Variants in SLC24A2 observed in about 807,000 individuals in gnomAD.
SLC24A2 encodes the protein sodium/potassium/calcium exchanger 2.
A neutral mutation model predicts 62.0 loss-of-function variants in SLC24A2; 36 were observed. That is an observed-to-expected ratio of 0.58 (90% confidence interval 0.44 to 0.77). The LOEUF is 0.77. SLC24A2 is among the 30% of genes least tolerant of loss of function. The probability of loss-of-function intolerance (pLI) is 0.00; values close to 1 mark genes in which losing one functional copy is unlikely to be tolerated. For missense variants in SLC24A2, 846 were observed against 817.9 expected (o/e 1.03, Z -0.42); for synonymous variants, 358 against 294.0 (o/e 1.22, Z -2.23).
At chr9:20,192,239 T>C in the SLC24A2 span, among the ~76,000 whole-genome samples, 21 of 152,082 alleles carry the variant, frequency 1.4e-4, no homozygotes, top group Non-Finnish European at 3.1e-4. Flanking sequence ...GCAATGAGCA[T>C]GGTAGACAGA....
chr9:19,657,312 C>G (rs1818970015), intron 2 of SLC24A2, among the ~76,000 whole-genome samples: 1 of 152,062 alleles, frequency 6.6e-6, no homozygotes, highest in Admixed American at 6.5e-5. Flanking sequence ...CTTATTCCTT[C>G]TCCCACAATC....
intron 8 of SLC24A2, among the ~76,000 whole-genome samples, chr9:19,534,313 C>T: frequency 6.6e-6 from 1 of 152,292 alleles, no homozygotes; most frequent in African/African-American, 2.4e-5. Context: ...CTTTACTAGA[C>T]TTAGAGTGCC....
At position 19,780,199 on chromosome 9, in the gene SLC24A2, G is replaced by A. The variant is rs1384690948; in HGVS notation, c.930+5738C>T. 4.0e-4 allele frequency among the ~76,000 whole-genome samples: 61 copies of A among 152,168 alleles called. 1 individual carries two copies. The highest frequency in any genetic ancestry group is 4.4e-5 in the Non-Finnish European group (3 of 68,020). Reference sequence around the variant, plus strand: ...TTTTCTAAGGTACTTAGGTTGTTTAGCTGGAGCGTAAACATCTTAATTAAC... The same window carrying A: ...TTTTCTAAGGTACTTAGGTTGTTTAACTGGAGCGTAAACATCTTAATTAAC... On this transcript the variant is annotated intron_variant, in intron 2 of 10. Transcript: ENST00000341998.
At chr9:20,206,725 C>T in the SLC24A2 span, among the ~76,000 whole-genome samples, 5 of 152,162 alleles carry the variant, frequency 3.3e-5, no homozygotes, top group Middle Eastern at 3.4e-3. Context: ...ATGATCTGCT[C>T]GCCTCAGCCT....
At chr9:19,616,280 T>C (rs1817765488) in intron 4 of SLC24A2, among the ~76,000 whole-genome samples, 1 of 152,378 alleles carries the variant, frequency 6.6e-6, no homozygotes, top group Non-Finnish European at 1.5e-5. Context: ...CTAGGCTGTG[T>C]ATTTAACGCT....
intron 2 of SLC24A2, among the ~76,000 whole-genome samples, chr9:19,763,552 C>T (rs1822413963): frequency 6.6e-6 from 1 of 152,200 alleles, no homozygotes; most frequent in Non-Finnish European, 1.5e-5. Context: ...AAGGCCTTTA[C>T]TGCATCTGTT....
chr9:20,122,870 G>C, the SLC24A2 span, among the ~76,000 whole-genome samples: 1 of 152,084 alleles, frequency 6.6e-6, no homozygotes, highest in Non-Finnish European at 1.5e-5. Context: ...CATAAAACTT[G>C]AAAATCTAAA....
upstream of SLC24A2, among the ~76,000 whole-genome samples, chr9:19,790,530 CAA>C (rs3086381): frequency 1.4e-3 from 167 of 122,400 alleles, no homozygotes; most frequent in African/African-American, 4.8e-3. Flanking sequence ...ATTTGAGCAT[CAA>C]AAAAAAAAAA....
In SLC24A2 at chr9:19,643,660, C is replaced by T. The variant is rs569244066; in HGVS notation, c.931-21361G>A. ...CAGACTTGTCATGTCTGAGCTTTCT[C>T]TCTGTAACATATATTTACTCAAAAT... On this transcript the variant is annotated intron_variant, in intron 2 of 10. Transcript: ENST00000341998. Among the ~76,000 whole-genome samples, 7 of 152,320 alleles carry T rather than the reference C, an allele frequency of 4.6e-5. No individual in the cohort carries two copies. The South Asian group carries it at 1.2e-3, about 27-fold the overall frequency.
chr9:20,028,713 G>GGC, the SLC24A2 span, among the ~76,000 whole-genome samples: 1 of 152,126 alleles, frequency 6.6e-6, no homozygotes, highest in South Asian at 2.1e-4. Context: ...GTCAATCTCA[G>GGC]GCCCACCTGC....
chr9:20,019,586 A>T, the SLC24A2 span, among the ~76,000 whole-genome samples: 2 of 152,228 alleles, frequency 1.3e-5, no homozygotes, highest in South Asian at 4.1e-4. Flanking sequence ...TGGATAAAAG[A>T]TTTAAATGTA....
chr9:19,636,286 CTTCTTTTCTT>C lies in SLC24A2; in HGVS notation c.931-13997_931-13988del, dbSNP rs1207223868. ...TTTTCTTCTCTTCTTCTCTTCTTCT[CTTCTTTTCTT>C]TTCTTTTCTTTTCTTTTCTTTTCTT... On this transcript the variant is annotated intron_variant, in intron 2 of 10. Transcript: ENST00000341998. Among the ~76,000 whole-genome samples the C allele has an allele frequency of 4.2e-4, 37 of 88,092 alleles. 4 individuals carry two copies. The highest frequency in any genetic ancestry group is 1.8e-3 in the African/African-American group (37 of 20,322). The allele number at this position is 88,092 out of a possible 152,430, so 57.8% of individuals were successfully genotyped here. A position where few individuals can be genotyped will look rare whatever the true frequency, so the allele number is the denominator to read the frequency against.
chr9:19,908,284 A>C, the SLC24A2 span, among the ~76,000 whole-genome samples: 1 of 50 alleles, frequency 0.02, no homozygotes, highest in Non-Finnish European at 0.036. Context: ...CTAGCCATAT[A>C]TAGAAAGCTG....
At chr9:19,986,604 A>T in the SLC24A2 span, among the ~76,000 whole-genome samples, 2,211 of 152,312 alleles carry the variant, frequency 0.015, 48 homozygotes, top group African/African-American at 0.05. Flanking sequence ...AATATTATTC[A>T]GCCACAAAAA....
chr9:20,127,291 C>A, the SLC24A2 span, among the ~76,000 whole-genome samples: 1 of 152,074 alleles, frequency 6.6e-6, no homozygotes, highest in East Asian at 1.9e-4. Flanking sequence ...GGGGCTTCAT[C>A]TTGCTGATTG....
chr9:19,566,176 G>A (rs1424898997), intron 7 of SLC24A2, among the ~76,000 whole-genome samples: 1 of 151,506 alleles, frequency 6.6e-6, no homozygotes, highest in East Asian at 1.9e-4. Flanking sequence ...GAGTGAACAG[G>A]CAACCTACAG....
the SLC24A2 span, among the ~76,000 whole-genome samples, chr9:20,304,476 G>C: frequency 6.6e-6 from 1 of 152,094 alleles, no homozygotes; most frequent in Non-Finnish European, 1.5e-5. Flanking sequence ...TTTAAAAAAA[G>C]ACTTTTAACA....
At chr9:19,528,525 C>T (rs1276879511) in intron 8 of SLC24A2, among the ~76,000 whole-genome samples, 1 of 152,090 alleles carries the variant, frequency 6.6e-6, no homozygotes. Context: ...CAGAGTTTGT[C>T]AGAATCAGTT....
chr9:19,786,190 AACAGAGCAC>A lies in SLC24A2; in HGVS notation c.668_676del (p.Cys223_Leu225del). On this transcript the variant is annotated inframe_deletion, in exon 2 of 11. Transcript: ENST00000341998. This position sits in a 1 kb window ranked among gnomAD's most constrained non-coding sequence, Gnocchi z 5.0. ...TGTCAGGTTTAAGATTTCTCTAGAAAACAGAGCACACATGCCAATAACAAAGAGGATGTT... is the reference window on the plus strand; with the variant it reads ...TGTCAGGTTTAAGATTTCTCTAGAAAACATGCCAATAACAAAGAGGATGTT... The A allele has an allele frequency of 6.2e-7, 1 of 1,614,172 alleles. No homozygotes were observed. The highest frequency in any genetic ancestry group is 8.5e-7 in the Non-Finnish European group (1 of 1,180,042).
Sources: allele counts gnomAD v4.1 joint callset (sites outside exome capture counted in the v4.1 genomes callset), GRCh38; gene constraint gnomAD v4.1.1; non-coding constraint Gnocchi (gnomAD v3.1); transcripts MANE v1.5; gene names NCBI Gene and HGNC (gene_info 2026-07-23, HGNC 2026-07-21).